Variants in ZNF844 observed in about 807,000 individuals in gnomAD.
ZNF844 encodes zinc finger protein 844.
A neutral mutation model predicts 11.4 loss-of-function variants in ZNF844; 11 were observed. The ratio of observed to expected loss-of-function variants is 0.97; its 90% CI spans 0.61 to 1.60. ZNF844 has a LOEUF of 1.60. Ranked by LOEUF, ZNF844 falls within the 40% of genes most tolerant of loss-of-function variation. The probability of loss-of-function intolerance (pLI) is 0.00; values close to 1 mark genes in which losing one functional copy is unlikely to be tolerated. For synonymous variants in ZNF844, 248 were observed against 260.3 expected, an observed-to-expected ratio of 0.95 and a Z score of 0.46; for missense variants, 790 against 796.8, an observed-to-expected ratio of 0.99 and a Z score of 0.10.
Position 12,079,414 on chromosome 19 carries a change from TC to T in ZNF844, c.*2295del, listed in dbSNP as rs1482234483. On this transcript the variant is annotated 3_prime_UTR_variant, in exon 4 of 4. Coordinates refer to ENST00000439326, the MANE Select transcript of ZNF844 (RefSeq NM_001136501.3). ...GTAGCTTACCTGTAATTCCAGCACTTCCAGAGGCTAAGGCAGGTGGATCACT... is the reference window on the plus strand; with the variant it reads ...GTAGCTTACCTGTAATTCCAGCACTTCAGAGGCTAAGGCAGGTGGATCACT... 1 of 152,146 alleles carries T rather than the reference TC, an allele frequency of 6.6e-6. No individual in the cohort carries two copies. Among genetic ancestry groups the T allele is most frequent in the Non-Finnish European group, 1.5e-5 (1 of 68,036 alleles). The allele number at this position is 152,146 out of a possible 1,614,324, so 9.4% of individuals were successfully genotyped here.
rs1042156158 is a variant in ZNF844, at chr19:12,064,998, G to A, written c.3+122G>A. On this transcript the variant is annotated intron_variant, in intron 1 of 3. Coordinates refer to ENST00000439326, the MANE Select transcript of ZNF844 (RefSeq NM_001136501.3). ...CTCCCCGCGGCGACTCGAGGTCTGG[G>A]GCCCGAGCCCCGCTGGCGCAGCTCG... 6.4e-6 allele frequency: 7 copies of A among 1,094,972 alleles called. No individual in the cohort carries two copies. The African/African-American group carries it at 1.2e-4, about 18-fold the overall frequency. 67.8% of individuals were successfully genotyped at this position (1,094,972 alleles called of 1,614,324 possible). A position where few individuals can be genotyped will look rare whatever the true frequency, so the allele number is the denominator to read the frequency against.
At position 12,080,601 on chromosome 19, in the gene ZNF844, G is replaced by A. The variant is rs1483232243; in HGVS notation, c.*3480G>A. 5.9e-6 allele frequency: 1 copy of A among 169,008 alleles called. No homozygotes were observed. Among genetic ancestry groups the A allele is most frequent in the Non-Finnish European group, 1.3e-5 (1 of 77,648 alleles). The allele number at this position is 169,008 out of a possible 1,614,324, so 10.5% of individuals were successfully genotyped here. A position where few individuals can be genotyped will look rare whatever the true frequency, so the allele number is the denominator to read the frequency against. ...AGAATGTCCTCAAAATTTGCTCAGA[G>A]GTGTGGGCCTTTGGGTAAAGGTGTC... On this transcript the variant is annotated 3_prime_UTR_variant, in exon 4 of 4. Transcript: ENST00000439326.
Position 12,080,365 on chromosome 19 carries a change from A to AAG in ZNF844, c.*3248_*3249dup. 1 of 380,562 alleles carries AAG rather than the reference A, an allele frequency of 2.6e-6. No homozygotes were observed. 23.6% of individuals were successfully genotyped at this position (380,562 alleles called of 1,614,324 possible). On this transcript the variant is annotated 3_prime_UTR_variant, in exon 4 of 4. Coordinates refer to ENST00000439326, the MANE Select transcript of ZNF844 (RefSeq NM_001136501.3). ...CCGTCTCAAAAAAAAAAAAAAAAAAAAGAGAAGTCTGACAGGACAATAAAA... is the reference window on the plus strand; with the variant it reads ...CCGTCTCAAAAAAAAAAAAAAAAAAAAGAGAGAAGTCTGACAGGACAATAAAA...
chr19:12,076,145 G>A lies in ZNF844; in HGVS notation c.1025G>A (p.Cys342Tyr), dbSNP rs776925718. The stretch of plus-strand genomic sequence containing the variant: ...AAAAAGCCCTGTGAATGTAAACAAT[G>A]TGGGAAAGCATTATCTTATCTTAAC... ...SGKKPCECKQCGKALSYLNFQ... is the reference protein window; with the variant it reads ...SGKKPCECKQYGKALSYLNFQ... Residue 342 changes from cysteine (C) to tyrosine (Y), a missense_variant, in exon 4 of 4, where the codon TGT becomes TAT. This residue lies in a region of ZNF844 where 657 missense variants were observed against 636.2 expected (regional missense o/e 1.03). Transcript: ENST00000439326. 3.2e-6 allele frequency: 5 copies of A among 1,575,966 alleles called. No homozygotes were observed. The East Asian group carries it at 1.2e-4, about 37-fold the overall frequency.
In ZNF844 at chr19:12,075,848, A is replaced by T; in HGVS notation, c.728A>T (p.His243Leu). The change falls in exon 4 of 4, where the codon CAT becomes CTT. Residue 243 changes from histidine to leucine, a missense_variant. His to Leu is a moderately conservative substitution (Grantham distance 99). Transcript: ENST00000439326. ...AGTTATTCAACTTCCCTTCAAATAC[A>T]TGAAAGAACTCACACTGGAGAGAAG... ...AFSYSTSLQI[H>L]ERTHTGEKPY... 6.2e-7 allele frequency: 1 copy of T among 1,611,158 alleles called. No individual in the cohort carries two copies. Among genetic ancestry groups the T allele is most frequent in the Non-Finnish European group, 8.5e-7 (1 of 1,178,784 alleles).
Position 12,076,919 on chromosome 19 carries a change from C to G in ZNF844, c.1799C>G (p.Ser600Cys), listed in dbSNP as rs1486793784. The G allele has an allele frequency of 6.3e-7, 1 of 1,593,266 alleles. No individual in the cohort carries two copies. Among genetic ancestry groups the G allele is most frequent in the Non-Finnish European group, 8.5e-7 (1 of 1,169,862 alleles). Reference protein sequence around the residue: ...SVTKHSYLPRSFEYMQEHTLE... With the variant: ...SVTKHSYLPRCFEYMQEHTLE... ...ACAAAGCATTCATATCTGCCAAGATCCTTCGAGTACATGCAAGAACACACC... is the reference window on the plus strand; with the variant it reads ...ACAAAGCATTCATATCTGCCAAGATGCTTCGAGTACATGCAAGAACACACC... Residue 600 changes from serine (S) to cysteine (C), a missense_variant, in exon 4 of 4, where the codon TCC becomes TGC. Physicochemically the swap from Ser to Cys is moderately radical, Grantham distance 112. Transcript: ENST00000439326.
chr19:12,075,413 CTGGAGTAAAATCA>C lies in ZNF844; in HGVS notation c.296_308del (p.Gly99ValfsTer86). On this transcript the variant is annotated frameshift_variant, in exon 4 of 4. Transcript: ENST00000439326. LOFTEE classifies it low-confidence loss of function (END_TRUNC). ...GACACACTGAACAAAAAAACTTCTC[CTGGAGTAAAATCA>C]TGTGAAAGCAGTGTGTGTGGAGAAG... is the stretch of plus-strand genomic sequence containing the variant. 1 of 1,605,022 alleles carries C rather than the reference CTGGAGTAAAATCA, an allele frequency of 6.2e-7. No individual in the cohort carries two copies. Among genetic ancestry groups the C allele is most frequent in the Non-Finnish European group, 8.5e-7 (1 of 1,176,414 alleles).
In ZNF844 at chr19:12,070,136, T is replaced by TTA. The variant is rs565757699; in HGVS notation, c.4-3895_4-3894insTA. 12 of 95,060 alleles carry TTA rather than the reference T, an allele frequency of 1.3e-4. No individual in the cohort carries two copies. The East Asian group carries it at 2.9e-3, about 23-fold the overall frequency. The allele number at this position is 95,060 out of a possible 1,614,324, so 5.9% of individuals were successfully genotyped here. On this transcript the variant is annotated intron_variant, in intron 1 of 3. Transcript: ENST00000439326. ...AAAAAGACAAAAATAAAAATAAGCG[T>TTA]AAAAAAAAAAAAAAAAGAAACTGAA...
At position 12,077,640 on chromosome 19, in the gene ZNF844, A is replaced by G; in HGVS notation, c.*519A>G. On this transcript the variant is annotated 3_prime_UTR_variant, in exon 4 of 4. Coordinates refer to ENST00000439326, the MANE Select transcript of ZNF844 (RefSeq NM_001136501.3). ...CACTGGCGAGAAACCCTATGAATGTAAGCAATGTGGGAAAGCCTACAGATC... is the reference window on the plus strand; with the variant it reads ...CACTGGCGAGAAACCCTATGAATGTGAGCAATGTGGGAAAGCCTACAGATC... The G allele has an allele frequency of 5.5e-6, 3 of 543,282 alleles. No individual in the cohort carries two copies. Among genetic ancestry groups the G allele is most frequent in the South Asian group, 1.4e-5 (1 of 70,150 alleles). 33.7% of individuals were successfully genotyped at this position (543,282 alleles called of 1,614,324 possible).
chr19:12,075,240 T>G, intron 3 of ZNF844, 72 bp from the exon 4 acceptor site: 1 of 1,078,992 alleles, frequency 9.3e-7, no homozygotes, highest in Non-Finnish European at 1.2e-6. Context: ...AAAATGCAAG[T>G]GTAATCCTTG....
chr19:12,070,452 G>C (rs1975743387), intron 1 of ZNF844, among the ~76,000 whole-genome samples: 1 of 152,138 alleles, frequency 6.6e-6, no homozygotes, highest in Non-Finnish European at 1.5e-5. Context: ...GTCCTCTCTG[G>C]CAGTGGTGCA....
rs748126958 is a variant in ZNF844, at chr19:12,076,601, T to C, written c.1481T>C (p.Met494Thr). Residue 494 changes from methionine (M) to threonine (T), a missense_variant, in exon 4 of 4, where the codon ATG becomes ACG. This residue lies in a region of ZNF844 where 657 missense variants were observed against 636.2 expected (regional missense o/e 1.03). Transcript: ENST00000439326. The stretch of plus-strand genomic sequence containing the variant: ...TTTTTTCCACTTCCTTTCGATATCA[T>C]GAAAGGACTCACACTGGAGAGAAAC... ...PSFFPLPFDI[M>T]KGLTLERNPM... The C allele has an allele frequency of 5.6e-6, 9 of 1,612,656 alleles. No individual in the cohort carries two copies. The highest frequency in any genetic ancestry group is 1.6e-4 in the Middle Eastern group (1 of 6,078).
chr19:12,080,501 A>C lies in ZNF844; in HGVS notation c.*3380A>C. The C allele has an allele frequency of 4.3e-6, 1 of 234,630 alleles. No individual in the cohort carries two copies. Among genetic ancestry groups the C allele is most frequent in the South Asian group, 4.3e-5 (1 of 23,386 alleles). The allele number at this position is 234,630 out of a possible 1,614,324, so 14.5% of individuals were successfully genotyped here. ...CATCAGTCACATTTTAGAGGCACCA[A>C]ACAGGTGCCACATCCATACAGGCTG... On this transcript the variant is annotated 3_prime_UTR_variant, in exon 4 of 4. Transcript: ENST00000439326.
intron 1 of ZNF844, among the ~76,000 whole-genome samples, chr19:12,067,257 C>T (rs1260877665): frequency 6.6e-6 from 1 of 151,874 alleles, no homozygotes; most frequent in African/African-American, 2.4e-5. Context: ...AAGGCTGCAC[C>T]GAACCGTGAT....
At chr19:12,067,432 C>T (rs1467066661) in intron 1 of ZNF844, among the ~76,000 whole-genome samples, 3 of 148,820 alleles carry the variant, frequency 2.0e-5, no homozygotes, top group African/African-American at 7.5e-5. Context: ...ATGGTGAAAC[C>T]CCGTCTCTAC....
In ZNF844 at chr19:12,075,604, G is replaced by T; in HGVS notation, c.484G>T (p.Ala162Ser). Residue 162 changes from alanine (A) to serine (S), a missense_variant, in exon 4 of 4, where the codon GCT (alanine) becomes TCT (serine). By Grantham distance (99) the Ala-to-Ser change is moderately conservative. Transcript: ENST00000439326. ...CCCCTCCTTTCAAATGCAAGAAAAG[G>T]CTCACACTGGAGAAAAACTCTATGA... is the stretch of plus-strand genomic sequence containing the variant. The part of the protein sequence containing the change: ...CHPSFQMQEK[A>S]HTGEKLYDCK... 8 of 1,613,666 alleles carry T rather than the reference G, an allele frequency of 5.0e-6. No homozygotes were observed. The highest frequency in any genetic ancestry group is 6.8e-6 in the Non-Finnish European group (8 of 1,179,878).
At position 12,075,495 on chromosome 19, in the gene ZNF844, C is replaced by A; in HGVS notation, c.375C>A (p.Asp125Glu). The change falls in exon 4 of 4, where the codon GAC becomes GAA. Residue 125 changes from aspartate (D) to glutamate (E), a missense_variant. Asp to Glu is a conservative substitution (Grantham distance 45, BLOSUM62 2). Around this residue, in one of 3 missense-constraint regions of ZNF844, gnomAD observed 129 missense variants for 144.0 expected, o/e 0.90. Transcript: ENST00000439326. ...HSSLNRHIRA[D>E]TAHKPSEYQE... ...CCCTTAATAGGCACATTAGAGCTGA[C>A]ACTGCACACAAGCCGTCTGAGTATC... The A allele has an allele frequency of 1.2e-6, 2 of 1,613,562 alleles. No individual in the cohort carries two copies. Among genetic ancestry groups the A allele is most frequent in the South Asian group, 2.2e-5 (2 of 90,960 alleles).
At chr19:12,073,317 G>A (rs958910455) in intron 1 of ZNF844, among the ~76,000 whole-genome samples, 1 of 151,910 alleles carries the variant, frequency 6.6e-6, no homozygotes, top group Non-Finnish European at 1.5e-5. Flanking sequence ...ACACCACCAC[G>A]CCCAGCTAAT....
chr19:12,067,943 A>G (rs202208654), intron 1 of ZNF844, among the ~76,000 whole-genome samples: 10 of 79,352 alleles, frequency 1.3e-4, no homozygotes, highest in African/African-American at 6.3e-4. Context: ...AAAGAAAGAA[A>G]GAAGGAAAGA....
Sources: allele counts gnomAD v4.1 joint callset (sites outside exome capture counted in the v4.1 genomes callset), GRCh38; gene constraint gnomAD v4.1.1; regional missense constraint gnomAD v4.1.1; transcripts MANE v1.5; gene names NCBI Gene and HGNC (gene_info 2026-07-23, HGNC 2026-07-21).